Variants in CASP5 observed in about 807,000 individuals in gnomAD.
CASP5 encodes caspase-5.
CASP5 carries 42 observed loss-of-function variants against 45.2 expected under a neutral mutation model. The observed-to-expected ratio is 0.93, with a 90% confidence interval of 0.73 to 1.20. The LOEUF (loss-of-function observed/expected upper bound fraction) is 1.20, where lower values mean the gene tolerates loss of function less well. Ranked by LOEUF, CASP5 falls within the 50% of genes most tolerant of loss-of-function variation. CASP5 has a pLI of 0.00. For synonymous variants in CASP5, 209 were observed against 186.2 expected (o/e 1.12, Z -1.00); for missense variants, 512 against 532.2 (o/e 0.96, Z 0.37).
At chr11:105,013,730 T>C (rs548067159) in intron 1 of CASP5, among the ~76,000 whole-genome samples, 1 of 152,202 alleles carries the variant, frequency 6.6e-6, no homozygotes, top group African/African-American at 2.4e-5. Flanking sequence ...TCACTTAAAA[T>C]ACTCCCACAA....
At chr11:105,005,695 A>G (rs912387401) in intron 3 of CASP5, among the ~76,000 whole-genome samples, 1 of 152,150 alleles carries the variant, frequency 6.6e-6, no homozygotes, top group Non-Finnish European at 1.5e-5. Context: ...CTGATCAGAT[A>G]GGCTAATTCA....
intron 5 of CASP5, among the ~76,000 whole-genome samples, chr11:105,001,334 C>T (rs962580130): frequency 2.0e-5 from 3 of 152,216 alleles, no homozygotes; most frequent in Non-Finnish European, 2.9e-5. Context: ...TCAGGAAAAG[C>T]TCTTGGCCCC....
intron 2 of CASP5, 53 bp downstream of exon 2, chr11:105,008,754 T>G: frequency 1.5e-6 from 2 of 1,315,802 alleles, no homozygotes; most frequent in Non-Finnish European, 2.2e-6. Flanking sequence ...GGACTTATAA[T>G]TGAACAGATT....
intron 1 of CASP5, among the ~76,000 whole-genome samples, chr11:105,013,509 A>C (rs1185213916): frequency 6.6e-6 from 1 of 152,112 alleles, no homozygotes; most frequent in Non-Finnish European, 1.5e-5. Context: ...TTTTGTACAT[A>C]AGTACATAAA....
chr11:104,999,105 T>C (rs1368766285), intron 6 of CASP5, 77 bp from the exon 7 acceptor site: 2 of 1,286,900 alleles, frequency 1.6e-6, no homozygotes, highest in Non-Finnish European at 2.2e-6. Context: ...TGTAGGTTTG[T>C]TACATAGTTA....
chr11:105,008,566 T>C (rs1381385451), intron 2 of CASP5, among the ~76,000 whole-genome samples: 1 of 152,064 alleles, frequency 6.6e-6, no homozygotes, highest in African/African-American at 2.4e-5. Flanking sequence ...TACAAGCCTC[T>C]ACTATTAATT....
At chr11:104,997,535 C>T (rs1191393280) in intron 7 of CASP5, 43 bp from the exon 8 acceptor site, 4 of 1,259,256 alleles carry the variant, frequency 3.2e-6, no homozygotes, top group Non-Finnish European at 4.5e-6. Flanking sequence ...ACGACTTTCA[C>T]TATGTTTTTG....
chr11:105,016,651 T>C (rs1196609124), intron 1 of CASP5, among the ~76,000 whole-genome samples: 1 of 152,050 alleles, frequency 6.6e-6, no homozygotes, highest in Non-Finnish European at 1.5e-5. Context: ...GCTCGGAGGG[T>C]CCTACGCCCA....
At chr11:105,013,540 TAAATA>T (rs1017150181) in intron 1 of CASP5, among the ~76,000 whole-genome samples, 3 of 152,068 alleles carry the variant, frequency 2.0e-5, no homozygotes, top group African/African-American at 7.2e-5. Context: ...GCCAATTAAA[TAAATA>T]AAATAATATT....
intron 1 of CASP5, among the ~76,000 whole-genome samples, chr11:105,020,347 G>A (rs1256440135): frequency 6.6e-6 from 1 of 151,864 alleles, no homozygotes; most frequent in African/African-American, 2.4e-5. Context: ...TATTCAATTA[G>A]GAAAAGTGGA....
chr11:104,994,748 C>T (rs995427653), intron 9 of CASP5, among the ~76,000 whole-genome samples: 16 of 152,164 alleles, frequency 1.1e-4, no homozygotes, highest in Non-Finnish European at 1.8e-4. Flanking sequence ...ATATTTCTGC[C>T]CCAGGGCATT....
At chr11:105,003,452 T>TGAGA (rs3831481) in intron 3 of CASP5, 69 bp from the exon 4 acceptor site, 15 of 736,384 alleles carry the variant, frequency 2.0e-5, no homozygotes, top group African/African-American at 7.5e-5. Context: ...CTAAGAACTT[T>TGAGA]GAGAGAGAGA....
chr11:105,009,766 CACACG>C (rs1862202627), intron 1 of CASP5, among the ~76,000 whole-genome samples: 2 of 78,680 alleles, frequency 2.5e-5, no homozygotes, highest in African/African-American at 4.6e-5. Flanking sequence ...TATACACACA[CACACG>C]TATATATATA....
In CASP5 at chr11:105,002,959, A is replaced by AG. The variant is rs540246217; in HGVS notation, c.543+314dup. On this transcript the variant is annotated intron_variant, in intron 4 of 9. Transcript: ENST00000260315. ...CCGCCTGTAATCCCAGTGCTTTGGG[A>AG]GGCCAAGGCTGTGGATCTCATGAAG... Among the ~76,000 whole-genome samples the AG allele has an allele frequency of 3.9e-5, 6 of 152,182 alleles. No homozygotes were observed. In the East Asian group the frequency reaches 1.2e-3, roughly 29 times the overall value.
At chr11:104,994,729 C>A (rs3181336) in intron 9 of CASP5, among the ~76,000 whole-genome samples, 3,875 of 152,276 alleles carry the variant, frequency 0.025, 138 homozygotes, top group African/African-American at 0.083. Flanking sequence ...CTTTTTAAAC[C>A]TGTTCAGCAT....
chr11:105,014,756 G>A (rs1278367751), intron 1 of CASP5, among the ~76,000 whole-genome samples: 2 of 152,168 alleles, frequency 1.3e-5, no homozygotes, highest in Non-Finnish European at 2.9e-5. Context: ...TTGAGGAAAT[G>A]TTCTTACATG....
chr11:105,008,900 C>T lies in CASP5; in HGVS notation c.88G>A (p.Val30Met), dbSNP rs748713070. ...TTGTTCTTTAGCATGTGGTTTATCA[C>T]GAAGTTATCCAATCCACTCTGAAGG... ...GILQSGLDNF[V>M]INHMLKNNVA... is the part of the protein sequence containing the mutation. The change falls in exon 2 of 10, where the codon GTG (valine) becomes ATG (methionine). Residue 30 changes from valine (V) to methionine (M), a missense_variant. Val to Met is a conservative substitution (Grantham distance 21). Coordinates refer to ENST00000260315, the MANE Select transcript of CASP5 (RefSeq NM_004347.5). 40 of 1,612,824 alleles carry T rather than the reference C, an allele frequency of 2.5e-5. No homozygotes were observed. Among genetic ancestry groups the T allele is most frequent in the East Asian group, 4.5e-5 (2 of 44,854 alleles).
intron 4 of CASP5, among the ~76,000 whole-genome samples, chr11:105,002,879 C>T (rs1291342444): frequency 1.3e-5 from 2 of 152,150 alleles, no homozygotes; most frequent in African/African-American, 2.4e-5. Flanking sequence ...TGTCACCACC[C>T]CCTCATCATT....
rs1035839303 is a variant in CASP5 at position 104,995,686 on chromosome 11, C to T, written c.*4+54G>A. 3 of 1,165,556 alleles carry T rather than the reference C, an allele frequency of 2.6e-6. No individual in the cohort carries two copies. In the African/African-American group the frequency reaches 4.6e-5, roughly 18 times the overall value. The allele number at this position is 1,165,556 out of a possible 1,614,324, so 72.2% of individuals were successfully genotyped here. A position where few individuals can be genotyped will look rare whatever the true frequency, so the allele number is the denominator to read the frequency against. Reference sequence around the variant, plus strand: ...AGCTGTCATTGGTCATTGAACTTCACCACCGATATAGCTCTTTCATTTATT... The same window carrying T: ...AGCTGTCATTGGTCATTGAACTTCATCACCGATATAGCTCTTTCATTTATT... On this transcript the variant is annotated intron_variant, in intron 9 of 9. Transcript: ENST00000260315.
Sources: gnomAD v4.1 joint callset for allele counts (sites outside exome capture counted in the v4.1 genomes callset) on GRCh38, gnomAD v4.1.1 for gene constraint, MANE v1.5 for transcripts, NCBI Gene and HGNC (gene_info 2026-07-23, HGNC 2026-07-21) for gene names.